Variants in PRPF38B observed in about 807,000 individuals in gnomAD.
PRPF38B encodes pre-mRNA-splicing factor 38B.
A neutral mutation model predicts 67.2 loss-of-function variants in PRPF38B; 18 were observed. That is an observed-to-expected ratio of 0.27 (90% CI 0.19 to 0.40). The LOEUF (loss-of-function observed/expected upper bound fraction) is 0.40. Among genes scored for constraint, PRPF38B ranks in the 10% least tolerant of loss-of-function variants. PRPF38B has a pLI of 1.00. For synonymous variants in PRPF38B, 246 were observed against 234.2 expected (o/e 1.05, Z -0.46); for missense variants, 544 against 684.9 (o/e 0.79, Z 2.30).
chr1:108,692,502 A>G lies in PRPF38B; in HGVS notation c.-90A>G. On this transcript the variant is annotated 5_prime_UTR_variant, in exon 1 of 6. Coordinates refer to ENST00000370025, the MANE Select transcript of PRPF38B (RefSeq NM_018061.4). ...CCCTTCTCCCGACGACGTTCGATGG[A>G]GTAGGGTCCCAGACCGTTGTCCCGA... 1 of 1,391,880 alleles carries G rather than the reference A, an allele frequency of 7.2e-7. No individual in the cohort carries two copies. The highest frequency in any genetic ancestry group is 9.5e-7 in the Non-Finnish European group (1 of 1,054,580). The allele number at this position is 1,391,880 out of a possible 1,614,324, so 86.2% of individuals were successfully genotyped here.
At position 108,698,796 on chromosome 1, in the gene PRPF38B, A is replaced by C. The variant is rs1260339875; in HGVS notation, c.751A>C (p.Ile251Leu). Residue 251 changes from isoleucine to leucine, a missense_variant, in exon 5 of 6, where the codon ATA (isoleucine) becomes CTA (leucine). Ile to Leu is a conservative substitution (Grantham distance 5). This residue lies in a region of PRPF38B where 387 missense variants were observed against 386.1 expected (regional missense o/e 1.00). Coordinates refer to ENST00000370025, the MANE Select transcript of PRPF38B (RefSeq NM_018061.4). ...AGATGGGAAGGAAGGTGCTGAGGAA[A>C]TAGACAGACATGTTGAACGCAGACG... is the stretch of plus-strand genomic sequence containing the variant. ...KKDGKEGAEE[I>L]DRHVERRRSR... 3 of 1,613,832 alleles carry C rather than the reference A, an allele frequency of 1.9e-6. No individual in the cohort carries two copies.
rs115614840 is a variant in PRPF38B, at chr1:108,697,321, C to T, written c.558+984C>T. 1,351 of 152,532 alleles carry T rather than the reference C, an allele frequency of 8.9e-3. 18 individuals carry two copies. Among genetic ancestry groups the T allele is most frequent in the African/African-American group, 0.031 (1,286 of 41,530 alleles). 9.4% of individuals were successfully genotyped at this position (152,532 alleles called of 1,614,324 possible). A position where few individuals can be genotyped will look rare whatever the true frequency, so the allele number is the denominator to read the frequency against. ...AACATGTCAAAAATGAAATGATGAGCTGTATTGTCCCTATGTCTACCCAGT... is the reference window on the plus strand; with the variant it reads ...AACATGTCAAAAATGAAATGATGAGTTGTATTGTCCCTATGTCTACCCAGT... On this transcript the variant is annotated intron_variant, in intron 4 of 5. Transcript: ENST00000370025.
chr1:108,694,831 T>C (rs1659703182), intron 1 of PRPF38B, among the ~76,000 whole-genome samples: 2 of 151,788 alleles, frequency 1.3e-5, no homozygotes, highest in Admixed American at 1.3e-4. Context: ...TAATATTCTT[T>C]TGTTGTTGTT....
At chr1:108,695,148 C>T (rs1359077407) in intron 1 of PRPF38B, among the ~76,000 whole-genome samples, 1 of 152,092 alleles carries the variant, frequency 6.6e-6, no homozygotes, top group African/African-American at 2.4e-5. Flanking sequence ...TCACAAGTAA[C>T]TCGTTACTGT....
chr1:108,699,686 G>C lies in PRPF38B; in HGVS notation c.1307G>C (p.Arg436Thr). The change falls in exon 6 of 6, where the codon AGA (arginine) becomes ACA (threonine). Residue 436 changes from arginine (R) to threonine (T), a missense_variant. Transcript: ENST00000370025. ...SRSRSRERKH[R>T]SRSRSRNAGK... Reference sequence around the variant, plus strand: ...AGCAGAAGCAGAGAAAGGAAACACAGAAGTAGGAGTCGAAGTAGAAATGCA... The same window carrying C: ...AGCAGAAGCAGAGAAAGGAAACACACAAGTAGGAGTCGAAGTAGAAATGCA... 6.3e-7 allele frequency: 1 copy of C among 1,599,528 alleles called. No individual in the cohort carries two copies. The highest frequency in any genetic ancestry group is 8.5e-7 in the Non-Finnish European group (1 of 1,172,604).
At chr1:108,697,045 A>G (rs1010107636) in intron 4 of PRPF38B, 2 of 404,340 alleles carry the variant, frequency 4.9e-6, no homozygotes, top group African/African-American at 4.2e-5. Context: ...GTTCAAGACC[A>G]GCCTGAGCAA....
intron 4 of PRPF38B, 26 bp from the exon 5 acceptor site, chr1:108,698,572 TGACGGC>T: frequency 1.4e-6 from 2 of 1,466,572 alleles, no homozygotes; most frequent in African/African-American, 1.4e-5. Flanking sequence ...ATACTTTTTT[TGACGGC>T]TAGGGTATCT....
intron 5 of PRPF38B, 132 bp downstream of exon 5, chr1:108,698,959 A>G (rs1660157378): frequency 1.5e-6 from 2 of 1,315,884 alleles, no homozygotes; most frequent in Non-Finnish European, 2.0e-6. Flanking sequence ...TTACCCCCCA[A>G]AGATTATTTT....
chr1:108,699,245 C>A lies in PRPF38B; in HGVS notation c.866C>A (p.Ser289Tyr). 1 of 1,614,064 alleles carries A rather than the reference C, an allele frequency of 6.2e-7. No homozygotes were observed. Among genetic ancestry groups the A allele is most frequent in the South Asian group, 1.1e-5 (1 of 91,064 alleles). Reference protein sequence around the residue: ...RSHHREGHGSSSFDRELEREK... With the variant: ...RSHHREGHGSYSFDRELEREK... ...CATCATCGGGAGGGCCATGGGTCTT[C>A]TAGTTTTGACAGAGAATTAGAAAGA... Residue 289 changes from serine (S) to tyrosine (Y), a missense_variant, in exon 6 of 6, where the codon TCT becomes TAT. This residue lies in a region of PRPF38B where 387 missense variants were observed against 386.1 expected (regional missense o/e 1.00). Transcript: ENST00000370025.
In PRPF38B at chr1:108,692,856, A is replaced by G. The variant is rs141477780; in HGVS notation, c.265A>G (p.Ile89Val). The change falls in exon 1 of 6, where the codon ATC (isoleucine) becomes GTC (valine). Residue 89 changes from isoleucine to valine, a missense_variant. Transcript: ENST00000370025. Reference protein sequence around the residue: ...LKTYHEVVDEIYFKVTHVEPW... With the variant: ...LKTYHEVVDEVYFKVTHVEPW... ...GACCTACCACGAGGTGGTGGACGAG[A>G]TCTACTTTAAGGTACGAAGTGTGTA... 6.2e-7 allele frequency: 1 copy of G among 1,614,078 alleles called. No individual in the cohort carries two copies. Among genetic ancestry groups the G allele is most frequent in the Non-Finnish European group, 8.5e-7 (1 of 1,179,964 alleles).
Position 108,699,304 on chromosome 1 carries a change from A to C in PRPF38B, c.925A>C (p.Lys309Gln). 6.2e-7 allele frequency: 1 copy of C among 1,614,158 alleles called. No homozygotes were observed. Among genetic ancestry groups the C allele is most frequent in the Non-Finnish European group, 8.5e-7 (1 of 1,180,020 alleles). The change falls in exon 6 of 6, where the codon AAA becomes CAA. Residue 309 changes from lysine (K) to glutamine (Q), a missense_variant. Physicochemically the swap from Lys to Gln is moderately conservative, Grantham distance 53 (BLOSUM62 1). Around this residue, in one of 5 missense-constraint regions of PRPF38B, gnomAD observed 387 missense variants for 386.1 expected, o/e 1.00. Transcript: ENST00000370025. ...KERQRLEREA[K>Q]EREKERRRSR... The stretch of plus-strand genomic sequence containing the variant: ...ACGCCAGCGACTAGAGCGTGAAGCC[A>C]AAGAAAGGGAGAAAGAACGGCGAAG...
Position 108,699,634 on chromosome 1 carries a change from T to C in PRPF38B, c.1255T>C (p.Ser419Pro). 1 of 1,543,246 alleles carries C rather than the reference T, an allele frequency of 6.5e-7. No individual in the cohort carries two copies. Among genetic ancestry groups the C allele is most frequent in the Non-Finnish European group, 8.7e-7 (1 of 1,142,964 alleles). Residue 419 changes from serine to proline, a missense_variant, in exon 6 of 6, where the codon TCC (serine) becomes CCC (proline). Transcript: ENST00000370025. ...GCGGCACAGAGATGACAAAAGAGAT[T>C]CCAAGAAAGAGAAAAAACACAGTAG... ...DRRHRDDKRD[S>P]KKEKKHSRSR...
Position 108,692,658 on chromosome 1 carries a change from G to A in PRPF38B, c.67G>A (p.Ala23Thr). The A allele has an allele frequency of 1.9e-6, 3 of 1,612,234 alleles. No homozygotes were observed. The highest frequency in any genetic ancestry group is 2.2e-5 in the South Asian group (2 of 91,024). The change falls in exon 1 of 6, where the codon GCT becomes ACT. Residue 23 changes from alanine (A) to threonine (T), a missense_variant. Transcript: ENST00000370025. ...QPQHQAAAAAAQQQQQCGGGG... is the reference protein window; with the variant it reads ...QPQHQAAAAATQQQQQCGGGG... ...GCAGCACCAGGCGGCTGCAGCTGCG[G>A]CTCAGCAACAGCAGCAGTGCGGCGG...
rs753891442 is a variant in PRPF38B at position 108,699,502 on chromosome 1, G to C, written c.1123G>C (p.Gly375Arg). Residue 375 changes from glycine (G) to arginine (R), a missense_variant, in exon 6 of 6, where the codon GGA (glycine) becomes CGA (arginine). By Grantham distance (125) the Gly-to-Arg change is moderately radical. Around this residue, in one of 5 missense-constraint regions of PRPF38B, gnomAD observed 387 missense variants for 386.1 expected, o/e 1.00. Coordinates refer to ENST00000370025, the MANE Select transcript of PRPF38B (RefSeq NM_018061.4). ...AGATCGTGACTATGATAAGGAAAGAGGAAATGAACGAGAAAAAGAGAGAGA... is the reference window on the plus strand; with the variant it reads ...AGATCGTGACTATGATAAGGAAAGACGAAATGAACGAGAAAAAGAGAGAGA... ...RRDRDYDKER[G>R]NEREKERERS... The C allele has an allele frequency of 3.8e-6, 6 of 1,578,370 alleles. No homozygotes were observed. The Admixed American group carries it at 1.1e-4, about 30-fold the overall frequency.
At position 108,692,343 on chromosome 1, in the gene PRPF38B, C is replaced by A. The variant is rs901497573; in HGVS notation, c.-249C>A. On this transcript the variant is annotated 5_prime_UTR_variant, in exon 1 of 6. Transcript: ENST00000370025. ...CCCAGGGGCAGTTGGCGGAAGAGAT[C>A]GAGCTCCCTGGCTGCCGGCTCGCCT... 1.8e-6 allele frequency: 1 copy of A among 549,672 alleles called. No individual in the cohort carries two copies. The highest frequency in any genetic ancestry group is 3.2e-5 in the East Asian group (1 of 31,664). 34.0% of individuals were successfully genotyped at this position (549,672 alleles called of 1,614,324 possible). A position where few individuals can be genotyped will look rare whatever the true frequency, so the allele number is the denominator to read the frequency against.
rs1557773585 is a variant in PRPF38B, at chr1:108,700,003, AAAGAT to A, written c.1625_1629del (p.Lys542ArgfsTer14). 2 of 1,590,526 alleles carry A rather than the reference AAAGAT, an allele frequency of 1.3e-6. No individual in the cohort carries two copies. Among genetic ancestry groups the A allele is most frequent in the South Asian group, 2.3e-5 (2 of 87,684 alleles). ...GAGCCAAGAAAAACAGCATAAAAAC[AAAGAT>A]GAGACTGTGTGAAAATATTTTGTAA... On this transcript the variant is annotated frameshift_variant, in exon 6 of 6. Coordinates refer to ENST00000370025, the MANE Select transcript of PRPF38B (RefSeq NM_018061.4). LOFTEE classifies it high-confidence loss of function.
At chr1:108,698,500 T>C (rs1462487392) in intron 4 of PRPF38B, 104 bp from the exon 5 acceptor site, 3 of 863,454 alleles carry the variant, frequency 3.5e-6, no homozygotes, top group Non-Finnish European at 5.2e-6. Context: ...TTTCTGTTAG[T>C]TTTTTTTGTA....
In PRPF38B at chr1:108,700,257, TG is replaced by T; in HGVS notation, c.*238del. On this transcript the variant is annotated 3_prime_UTR_variant, in exon 6 of 6. Transcript: ENST00000370025. The stretch of plus-strand genomic sequence containing the variant: ...AGATTGTTCTTGCATTTTTATTGTT[TG>T]TTTTTGAAATGTACAGTCTGTACAT... 1.6e-6 allele frequency: 1 copy of T among 640,066 alleles called. No individual in the cohort carries two copies. The highest frequency in any genetic ancestry group is 3.8e-5 in the South Asian group (1 of 26,304). 39.6% of individuals were successfully genotyped at this position (640,066 alleles called of 1,614,324 possible).
chr1:108,700,184 ATT>A lies in PRPF38B; in HGVS notation c.*165_*166del. On this transcript the variant is annotated 3_prime_UTR_variant, in exon 6 of 6. Coordinates refer to ENST00000370025, the MANE Select transcript of PRPF38B (RefSeq NM_018061.4). ...GGGAAGTGCCTTTGTAATTCCATTT[ATT>A]GCATTGGTGTTTTCACCCAATTGTT... 2 of 1,197,050 alleles carry A rather than the reference ATT, an allele frequency of 1.7e-6. No homozygotes were observed. The highest frequency in any genetic ancestry group is 2.2e-6 in the Non-Finnish European group (2 of 902,772). The allele number at this position is 1,197,050 out of a possible 1,614,324, so 74.2% of individuals were successfully genotyped here.
Sources: gnomAD v4.1 joint callset for allele counts (sites outside exome capture counted in the v4.1 genomes callset) on GRCh38, gnomAD v4.1.1 for gene constraint, gnomAD v4.1.1 regional missense constraint, MANE v1.5 for transcripts, NCBI Gene and HGNC (gene_info 2026-07-23, HGNC 2026-07-21) for gene names.